TFDP2: variants seen among roughly 807,000 people sequenced by gnomAD.
TFDP2 encodes the protein transcription factor Dp-2 (E2F dimerization partner 2).
A neutral mutation model predicts 59.3 loss-of-function variants in TFDP2; 17 were observed. The ratio of observed to expected loss-of-function variants is 0.29; its 90% CI spans 0.20 to 0.43. TFDP2 has a LOEUF of 0.43. TFDP2 is among the 20% of genes least tolerant of loss of function. The probability of loss-of-function intolerance (pLI) is 1.00; values close to 1 mark genes in which losing one functional copy is unlikely to be tolerated. For missense variants in TFDP2, 391 were observed against 528.8 expected, an observed-to-expected ratio of 0.74 and a Z score of 2.56; for synonymous variants, 180 against 194.7, an observed-to-expected ratio of 0.92 and a Z score of 0.63.
rs1013947181 is a variant in TFDP2 at position 142,108,366 on chromosome 3, C to T, written c.-92-6525G>A. On this transcript the variant is annotated intron_variant, in intron 1 of 12. Transcript: ENST00000489671. ...CTAGGATTACAGGAGCCTGCCACCA[C>T]GCATGGCTAATTTTCTTATTTTTAG... Among the ~76,000 whole-genome samples the T allele has an allele frequency of 2.0e-5, 3 of 152,124 alleles. No homozygotes were observed. In the East Asian group the frequency reaches 5.8e-4, roughly 29 times the overall value.
chr3:141,952,930 C>T lies in TFDP2; in HGVS notation c.1138G>A (p.Ala380Thr), dbSNP rs868623030. ...ACGTACCTTGACTGGGGTAAGGTGG[C>T]ACCAGTGGTCAGGTCTAAATTTGAA... is the stretch of plus-strand genomic sequence containing the variant. ...SVSNLDLTTG[A>T]TLPQSSVNQG... Residue 380 changes from alanine (A) to threonine (T), a missense_variant, in exon 12 of 13, where the codon GCC (alanine) becomes ACC (threonine). Ala to Thr is a moderately conservative substitution (Grantham distance 58, BLOSUM62 0). This residue lies in a region of TFDP2 where 223 missense variants were observed against 292.5 expected (regional missense o/e 0.76). Coordinates refer to ENST00000489671, the MANE Select transcript of TFDP2 (RefSeq NM_001178139.2). 6.2e-7 allele frequency: 1 copy of T among 1,613,976 alleles called. No homozygotes were observed. Among genetic ancestry groups the T allele is most frequent in the Non-Finnish European group, 8.5e-7 (1 of 1,179,960 alleles).
At chr3:142,076,086 C>G in intron 3 of TFDP2, among the ~76,000 whole-genome samples, 1 of 151,434 alleles carries the variant, frequency 6.6e-6, no homozygotes, top group Non-Finnish European at 1.5e-5. Flanking sequence ...TGGTGCATAC[C>G]TGTAATCCCA....
At chr3:142,133,285 C>T (rs1179688046) in intron 1 of TFDP2, among the ~76,000 whole-genome samples, 1 of 150,148 alleles carries the variant, frequency 6.7e-6, no homozygotes, top group Admixed American at 6.6e-5. Context: ...GGCACAATCA[C>T]AGCTCACTGC....
chr3:142,022,790 G>A (rs756340822), intron 3 of TFDP2, among the ~76,000 whole-genome samples: 5 of 152,104 alleles, frequency 3.3e-5, no homozygotes, highest in Non-Finnish European at 5.9e-5. Context: ...ATATTTATAA[G>A]AGGTGACCAT....
chr3:142,013,639 T>C (rs1944895527), intron 3 of TFDP2, among the ~76,000 whole-genome samples: 1 of 152,188 alleles, frequency 6.6e-6, no homozygotes, highest in African/African-American at 2.4e-5. Flanking sequence ...CCTAGAGAAG[T>C]GGCTAAGAAA....
In TFDP2 at chr3:142,001,637, A is replaced by G. The variant is rs74705440; in HGVS notation, c.186+3804T>C. On this transcript the variant is annotated intron_variant, in intron 4 of 12. Transcript: ENST00000489671. Reference sequence around the variant, plus strand: ...TTTTATTCTTTACATGGCCAAGCTGAGAATTTCCCAAATCTTCACTTCTGA... The same window carrying G: ...TTTTATTCTTTACATGGCCAAGCTGGGAATTTCCCAAATCTTCACTTCTGA... Among the ~76,000 whole-genome samples, 1,497 of 152,264 alleles carry G rather than the reference A, an allele frequency of 9.8e-3. 24 individuals are homozygous for G. Among genetic ancestry groups the G allele is most frequent in the African/African-American group, 0.034 (1,428 of 41,540 alleles).
intron 9 of TFDP2, among the ~76,000 whole-genome samples, chr3:141,968,381 C>A (rs12330323): frequency 0.22 from 19,783 of 90,002 alleles, 3,216 homozygotes; most frequent in African/African-American, 0.28. Context: ...TAACATATAT[C>A]TCATATATAT....
At chr3:141,962,808 G>A (rs1937523441) in intron 10 of TFDP2, among the ~76,000 whole-genome samples, 1 of 152,234 alleles carries the variant, frequency 6.6e-6, no homozygotes, top group African/African-American at 2.4e-5. Flanking sequence ...GGCCCTAGGA[G>A]ACAGGAAGTT....
At chr3:142,042,454 G>T (rs1171229963) in intron 3 of TFDP2, among the ~76,000 whole-genome samples, 1 of 151,574 alleles carries the variant, frequency 6.6e-6, no homozygotes, top group Non-Finnish European at 1.5e-5. Context: ...ACCACGCCCG[G>T]CTAATTTTTG....
intron 8 of TFDP2, 88 bp downstream of exon 8, chr3:141,973,960 T>C (rs1297633576): frequency 2.1e-6 from 3 of 1,434,044 alleles, no homozygotes; most frequent in Admixed American, 2.4e-5. Flanking sequence ...ATTGGAAATA[T>C]TTTATATTAG....
intron 3 of TFDP2, among the ~76,000 whole-genome samples, chr3:142,053,804 ACAACT>A (rs1411300983): frequency 2.0e-5 from 3 of 152,252 alleles, no homozygotes; most frequent in Non-Finnish European, 4.4e-5. Context: ...AACAAGACAA[ACAACT>A]CAATAAAAAA....
At chr3:142,016,103 C>G (rs1334485871) in intron 3 of TFDP2, among the ~76,000 whole-genome samples, 1 of 152,052 alleles carries the variant, frequency 6.6e-6, no homozygotes, top group Non-Finnish European at 1.5e-5. Flanking sequence ...CCTCCATCTC[C>G]TGGGTTCGAG....
At chr3:141,964,661 C>CAA (rs886746744) in intron 9 of TFDP2, among the ~76,000 whole-genome samples, 1 of 150,874 alleles carries the variant, frequency 6.6e-6, no homozygotes, top group Non-Finnish European at 1.5e-5. Context: ...CAAAACAAAA[C>CAA]AAAAAAAAAC....
chr3:142,111,427 C>CAAAAAAAAAAAAAAA (rs80110477), intron 1 of TFDP2, among the ~76,000 whole-genome samples: 1 of 60,184 alleles, frequency 1.7e-5, no homozygotes. Flanking sequence ...GACTCTGTCT[C>CAAAAAAAAAAAAAAA]AAAAAAAAAA....
At chr3:141,982,103 C>T (rs1277810275) in intron 6 of TFDP2, among the ~76,000 whole-genome samples, 1 of 151,892 alleles carries the variant, frequency 6.6e-6, no homozygotes, top group African/African-American at 2.4e-5. Context: ...TGAGATATGT[C>T]GTAAGTTTAA....
At chr3:141,991,211 C>T (rs907432330) in intron 6 of TFDP2, among the ~76,000 whole-genome samples, 2 of 152,138 alleles carry the variant, frequency 1.3e-5, no homozygotes, top group African/African-American at 2.4e-5. Context: ...CTAGAATCTA[C>T]AAACCATCTT....
chr3:142,033,420 C>G (rs1053253016), intron 3 of TFDP2, among the ~76,000 whole-genome samples: 23 of 152,040 alleles, frequency 1.5e-4, no homozygotes, highest in African/African-American at 4.6e-4. Context: ...TCAACATAGA[C>G]CCAGCTCCAA....
chr3:142,125,299 A>G (rs2062193708), intron 1 of TFDP2, among the ~76,000 whole-genome samples: 1 of 152,208 alleles, frequency 6.6e-6, no homozygotes. Flanking sequence ...AGGTTTCAAG[A>G]CAAGATGAAA....
chr3:142,122,724 G>A lies in TFDP2; in HGVS notation c.-92-20883C>T, dbSNP rs140273570. On this transcript the variant is annotated intron_variant, in intron 1 of 12. Coordinates refer to ENST00000489671, the MANE Select transcript of TFDP2 (RefSeq NM_001178139.2). Reference sequence around the variant, plus strand: ...CACCTCTGGGAGGAAGCATAACCTTGGGCAAGACAGTATTCAGGGCCAAGG... The same window carrying A: ...CACCTCTGGGAGGAAGCATAACCTTAGGCAAGACAGTATTCAGGGCCAAGG... Among the ~76,000 whole-genome samples, 8 of 152,250 alleles carry A rather than the reference G, an allele frequency of 5.3e-5. No individual in the cohort carries two copies. In the East Asian group the frequency reaches 1.5e-3, roughly 29 times the overall value.
Sources: gnomAD v4.1 joint callset for allele counts (sites outside exome capture counted in the v4.1 genomes callset) on GRCh38, gnomAD v4.1.1 for gene constraint, gnomAD v4.1.1 regional missense constraint, MANE v1.5 for transcripts, NCBI Gene and HGNC (gene_info 2026-07-23, HGNC 2026-07-21) for gene names.